SUCLG2: variants seen among roughly 807,000 people sequenced by gnomAD.
SUCLG2 encodes succinate-CoA ligase GDP-forming subunit beta.
Under a neutral mutation model 47.9 loss-of-function variants are expected in SUCLG2, and 42 were observed. That is an observed-to-expected ratio of 0.88 (90% CI 0.69 to 1.14). The LOEUF (loss-of-function observed/expected upper bound fraction) is 1.14. SUCLG2 is among the 50% of genes most tolerant of loss of function. The pLI is 0.00. For synonymous variants in SUCLG2, 195 were observed against 197.3 expected (o/e 0.99, Z 0.10); for missense variants, 571 against 525.9 (o/e 1.09, Z -0.84).
At chr3:67,591,459 T>G (rs1708163096) in intron 2 of SUCLG2, among the ~76,000 whole-genome samples, 1 of 152,156 alleles carries the variant, frequency 6.6e-6, no homozygotes, top group African/African-American at 2.4e-5. Context: ...AATTTTCACG[T>G]GTTGTGGGAG....
At chr3:67,648,630 T>C (rs751693765) in intron 1 of SUCLG2, among the ~76,000 whole-genome samples, 15 of 152,226 alleles carry the variant, frequency 9.9e-5, no homozygotes, top group African/African-American at 3.1e-4. Context: ...TGCAGTGATG[T>C]TGTAAGGGTT....
chr3:67,370,602 T>G, downstream of SUCLG2, among the ~76,000 whole-genome samples: 1 of 152,206 alleles, frequency 6.6e-6, no homozygotes, highest in Middle Eastern at 3.2e-3. Context: ...TACCAAGCCC[T>G]ACACATAGCA....
intron 1 of SUCLG2, among the ~76,000 whole-genome samples, chr3:67,648,251 C>T (rs1344912479): frequency 1.3e-5 from 2 of 152,112 alleles, no homozygotes; most frequent in South Asian, 2.1e-4. Flanking sequence ...ACCCAGACTT[C>T]GTGTCTTTAA....
At chr3:67,642,996 C>T (rs955567850) in intron 1 of SUCLG2, among the ~76,000 whole-genome samples, 1 of 151,990 alleles carries the variant, frequency 6.6e-6, no homozygotes, top group African/African-American at 2.4e-5. Context: ...TGGTTCCTGG[C>T]AAACAGGTTC....
chr3:67,442,578 T>G (rs1703795364), intron 9 of SUCLG2, among the ~76,000 whole-genome samples: 1 of 152,328 alleles, frequency 6.6e-6, no homozygotes, highest in African/African-American at 2.4e-5. Context: ...TTGTTCCTAC[T>G]GATGGCTGAA....
intron 9 of SUCLG2, among the ~76,000 whole-genome samples, chr3:67,421,432 G>A (rs191775976): frequency 2.0e-4 from 30 of 152,326 alleles, no homozygotes; most frequent in African/African-American, 6.3e-4. Context: ...TCAGTTGGGA[G>A]ACCTGGGTTC....
At chr3:67,623,918 T>C (rs949542276) in intron 1 of SUCLG2, among the ~76,000 whole-genome samples, 2 of 152,222 alleles carry the variant, frequency 1.3e-5, no homozygotes, top group African/African-American at 2.4e-5. Context: ...GGGTCAAACA[T>C]GTCATCTCAA....
At chr3:67,564,041 T>A (rs1003435567) in intron 2 of SUCLG2, among the ~76,000 whole-genome samples, 3 of 151,664 alleles carry the variant, frequency 2.0e-5, no homozygotes, top group Non-Finnish European at 4.4e-5. Context: ...AATTAAGTGA[T>A]ATCTGTGAAA....
intron 2 of SUCLG2, among the ~76,000 whole-genome samples, chr3:67,551,328 C>G (rs887328491): frequency 8.5e-5 from 13 of 152,264 alleles, no homozygotes; most frequent in Admixed American, 6.5e-4. Context: ...AAATGCACAC[C>G]ATGTTTTTAT....
At chr3:67,632,219 G>T (rs746830982) in intron 1 of SUCLG2, among the ~76,000 whole-genome samples, 1 of 152,114 alleles carries the variant, frequency 6.6e-6, no homozygotes, top group Non-Finnish European at 1.5e-5. Flanking sequence ...GTTTCACTCT[G>T]TCGCCTAGAC....
At chr3:67,444,142 C>T (rs1195109506) in intron 9 of SUCLG2, among the ~76,000 whole-genome samples, 4 of 56,224 alleles carry the variant, frequency 7.1e-5, no homozygotes, top group African/African-American at 1.1e-4. Context: ...CCAGCCGTGC[C>T]GTCCGGGAGG....
intron 4 of SUCLG2, among the ~76,000 whole-genome samples, chr3:67,521,058 T>C (rs1706090082): frequency 6.6e-6 from 1 of 152,232 alleles, no homozygotes. Context: ...CGGATTCTTT[T>C]ACAGTATGTC....
In SUCLG2 at chr3:67,429,239, T is replaced by TA. The variant is rs1703393767; in HGVS notation, c.1063-28389dup. On this transcript the variant is annotated intron_variant, in intron 9 of 10. Transcript: ENST00000307227. The stretch of plus-strand genomic sequence containing the variant: ...ATCCACAAAGGGAAGTCCATTAGAC[T>TA]AACAGCTGATCTCTCAGCAGAAACT... Among the ~76,000 whole-genome samples, 8 of 152,336 alleles carry TA rather than the reference T, an allele frequency of 5.3e-5. No homozygotes were observed. The South Asian group carries it at 1.7e-3, about 32-fold the overall frequency.
chr3:67,497,009 C>A (rs1705361134), intron 8 of SUCLG2, among the ~76,000 whole-genome samples: 1 of 152,156 alleles, frequency 6.6e-6, no homozygotes, highest in African/African-American at 2.4e-5. Flanking sequence ...ATGCACATTC[C>A]TACAGAGGCT....
intron 9 of SUCLG2, among the ~76,000 whole-genome samples, chr3:67,431,766 A>T (rs1236968682): frequency 6.6e-6 from 1 of 152,172 alleles, no homozygotes; most frequent in Middle Eastern, 3.4e-3. Context: ...GAGGGATACC[A>T]TTAGGAGATA....
At chr3:67,567,208 G>A (rs562673122) in intron 2 of SUCLG2, among the ~76,000 whole-genome samples, 1 of 151,376 alleles carries the variant, frequency 6.6e-6, no homozygotes, top group South Asian at 2.1e-4. Flanking sequence ...GGTGGGAGGA[G>A]GAAAAATATC....
chr3:67,394,035 C>T (rs1209943390), intron 10 of SUCLG2, among the ~76,000 whole-genome samples: 1 of 151,298 alleles, frequency 6.6e-6, no homozygotes, highest in African/African-American at 2.4e-5. Context: ...TCACCATCAT[C>T]AAAGACAAAA....
chr3:67,580,405 T>C (rs919133211), intron 2 of SUCLG2, among the ~76,000 whole-genome samples: 1 of 152,220 alleles, frequency 6.6e-6, no homozygotes, highest in Non-Finnish European at 1.5e-5. Flanking sequence ...TTCTTCTTCA[T>C]ATTTTATTTT....
chr3:67,512,899 TCA>T (rs921401538), intron 6 of SUCLG2, among the ~76,000 whole-genome samples: 7 of 150,042 alleles, frequency 4.7e-5, no homozygotes, highest in Non-Finnish European at 8.8e-5. Context: ...ATATATATTT[TCA>T]CACACACACA....
Sources: allele counts gnomAD v4.1 joint callset (sites outside exome capture counted in the v4.1 genomes callset), GRCh38; gene constraint gnomAD v4.1.1; transcripts MANE v1.5; gene names NCBI Gene and HGNC (gene_info 2026-07-23, HGNC 2026-07-21).